The following PLA2G4D variants were observed in gnomAD, a reference collection of about 807,000 sequenced individuals.
PLA2G4D encodes cytosolic phospholipase A2 delta.
In PLA2G4D, 80 loss-of-function variants were observed where a neutral mutation model predicts 94.4. The ratio of observed to expected loss-of-function variants is 0.85; its 90% CI spans 0.71 to 1.02. The LOEUF is 1.02. PLA2G4D is among the 50% of genes least tolerant of loss of function. The probability of loss-of-function intolerance (pLI) is 0.00; values close to 1 mark genes in which losing one functional copy is unlikely to be tolerated. For missense variants in PLA2G4D, 1,050 were observed against 1,034.7 expected, an observed-to-expected ratio of 1.01 and a Z score of -0.20; for synonymous variants, 438 against 440.9, an observed-to-expected ratio of 0.99 and a Z score of 0.08.
intron 6 of PLA2G4D, 103 bp from the exon 7 acceptor site, chr15:42,083,882 A>C: frequency 1.5e-5 from 17 of 1,127,150 alleles, no homozygotes; most frequent in Non-Finnish European, 2.0e-5. Flanking sequence ...CCACACACAC[A>C]AGGAGTTGTG....
At position 42,071,154 on chromosome 15, in the gene PLA2G4D, GTA is replaced by G. The variant is rs1311493806; in HGVS notation, c.1843_1844del (p.Tyr615LeufsTer2). 1 of 1,612,810 alleles carries G rather than the reference GTA, an allele frequency of 6.2e-7. No individual in the cohort carries two copies. The highest frequency in any genetic ancestry group is 1.7e-5 in the Admixed American group (1 of 59,646). ...AGGTGGAGAAGTCTTTGTGGCTACA[GTA>G]GTCCTGGTGCAGCTGGAGGCCCTGG... Reference protein sequence around the residue: ...FLQGLQLHQDYCSHKDFSTWA... With the variant: ...FLQGLQLHQDXCSHKDFSTWA... On this transcript the variant is annotated frameshift_variant, in exon 17 of 20. Transcript: ENST00000290472. LOFTEE classifies it high-confidence loss of function.
At chr15:42,085,636 G>A (rs1890127564) in intron 4 of PLA2G4D, 105 bp from the exon 5 acceptor site, 6 of 1,143,268 alleles carry the variant, frequency 5.2e-6, no homozygotes, top group Admixed American at 3.5e-5. Flanking sequence ...GGTCTCCAAG[G>A]GAGGCACGTT....
chr15:42,070,517 T>C, intron 18 of PLA2G4D, 200 bp downstream of exon 18: 1 of 631,930 alleles, frequency 1.6e-6, no homozygotes, highest in Non-Finnish European at 2.7e-6. Context: ...CCTGTTCACC[T>C]GTCCTGGGAG....
intron 11 of PLA2G4D, 91 bp from the exon 12 acceptor site, chr15:42,081,224 G>T: frequency 1.3e-6 from 2 of 1,540,958 alleles, no homozygotes; most frequent in Non-Finnish European, 1.7e-6. Flanking sequence ...CTTGTCTCCA[G>T]GGAAGGGACC....
rs757282981 is a variant in PLA2G4D, at chr15:42,071,853, A to T, written c.1494T>A (p.Pro498=). 1.9e-6 allele frequency: 3 copies of T among 1,614,190 alleles called. No homozygotes were observed. The highest frequency in any genetic ancestry group is 2.5e-6 in the Non-Finnish European group (3 of 1,180,008). Residue 498 remains proline (P), a synonymous_variant, in exon 15 of 20, where the codon CCT becomes CCA. Coordinates refer to ENST00000290472, the MANE Select transcript of PLA2G4D (RefSeq NM_178034.4). Reference sequence around the variant, plus strand: ...AGAACTCGGAGCCGAAGAGCTCAGGAGGGACGAAGGCCCCGTACTTCAGGA... The same window carrying T: ...AGAACTCGGAGCCGAAGAGCTCAGGTGGGACGAAGGCCCCGTACTTCAGGA... The part of the protein sequence containing the change: ...VGFLKYGAFV[P]PELFGSEFFM...
At chr15:42,089,974 A>G (rs531301654) in intron 1 of PLA2G4D, among the ~76,000 whole-genome samples, 5 of 152,198 alleles carry the variant, frequency 3.3e-5, no homozygotes, top group African/African-American at 1.2e-4. Context: ...CTAGAGAAAA[A>G]TCCCGATTCT....
chr15:42,074,987 G>C (rs1889889952), intron 13 of PLA2G4D, among the ~76,000 whole-genome samples: 1 of 152,300 alleles, frequency 6.6e-6, no homozygotes, highest in Middle Eastern at 3.4e-3. Flanking sequence ...GCAGTGGGGT[G>C]ATTACAACTC....
chr15:42,075,908 AGAGGG>A (rs531590243), intron 13 of PLA2G4D, among the ~76,000 whole-genome samples: 204 of 59,380 alleles, frequency 3.4e-3, no homozygotes, highest in Middle Eastern at 9.3e-3. Flanking sequence ...GGAGGGAGGG[AGAGGG>A]GAGGGGAGGG....
At position 42,086,194 on chromosome 15, in the gene PLA2G4D, T is replaced by TCCG; in HGVS notation, c.387+18_387+19insCGG. 2.2e-6 allele frequency: 3 copies of TCCG among 1,370,444 alleles called. No individual in the cohort carries two copies. Among genetic ancestry groups the TCCG allele is most frequent in the Non-Finnish European group, 1.9e-6 (2 of 1,043,084 alleles). 84.9% of individuals were successfully genotyped at this position (1,370,444 alleles called of 1,614,324 possible). A position where few individuals can be genotyped will look rare whatever the true frequency, so the allele number is the denominator to read the frequency against. ...GGAAGAAGTGGGGCCCACGGGGACT[T>TCCG]CCCCACCCACCCACCCACCTGGGGA... is the stretch of plus-strand genomic sequence containing the variant. On this transcript the variant is annotated intron_variant, in intron 4 of 19. Coordinates refer to ENST00000290472, the MANE Select transcript of PLA2G4D (RefSeq NM_178034.4).
intron 12 of PLA2G4D, 118 bp downstream of exon 12, chr15:42,080,879 A>AC (rs1890022006): frequency 4.1e-5 from 54 of 1,330,734 alleles, no homozygotes; most frequent in Non-Finnish European, 5.3e-5. Flanking sequence ...CTTGGCGCCC[A>AC]TCAGATCACA....
chr15:42,085,632 C>A, intron 4 of PLA2G4D, 101 bp from the exon 5 acceptor site: 1 of 1,183,952 alleles, frequency 8.4e-7, no homozygotes, highest in Non-Finnish European at 1.3e-6. Context: ...AAGCGGTCTC[C>A]AAGGGAGGCA....
In PLA2G4D at chr15:42,085,097, A is replaced by G; in HGVS notation, c.470T>C (p.Val157Ala). 1 of 1,614,138 alleles carries G rather than the reference A, an allele frequency of 6.2e-7. No individual in the cohort carries two copies. Among genetic ancestry groups the G allele is most frequent in the Non-Finnish European group, 8.5e-7 (1 of 1,180,000 alleles). The change falls in exon 6 of 20, where the codon GTG becomes GCG. Residue 157 changes from valine (V) to alanine (A), a missense_variant and splice_region_variant. Physicochemically the swap from Val to Ala is moderately conservative, Grantham distance 64 (BLOSUM62 0). Coordinates refer to ENST00000290472, the MANE Select transcript of PLA2G4D (RefSeq NM_178034.4). ...PENLITNKVI[V>A]ARELSCLDVH... ...CCTAAGCCTGGGGAAGGTGCTTACC[A>G]CAATGACTTTGTTGGTGATGAGGTT...
chr15:42,093,776 C>A (rs1004094574), intron 1 of PLA2G4D, among the ~76,000 whole-genome samples: 3 of 152,212 alleles, frequency 2.0e-5, no homozygotes, highest in African/African-American at 7.2e-5. Flanking sequence ...GACCTCAGGA[C>A]AGTGACCTTG....
intron 2 of PLA2G4D, 34 bp from the exon 3 acceptor site, chr15:42,087,470 A>G: frequency 6.2e-7 from 1 of 1,612,462 alleles, no homozygotes; most frequent in South Asian, 1.1e-5. Flanking sequence ...GTGAGGGAGT[A>G]CTCCCCACAC....
intron 13 of PLA2G4D, among the ~76,000 whole-genome samples, chr15:42,077,367 C>T (rs1249002628): frequency 1.3e-5 from 2 of 152,292 alleles, no homozygotes; most frequent in South Asian, 4.1e-4. Context: ...AGCAACACAT[C>T]AAAAAGATTA....
intron 13 of PLA2G4D, among the ~76,000 whole-genome samples, chr15:42,077,960 C>T (rs556832512): frequency 6.6e-6 from 1 of 152,392 alleles, no homozygotes; most frequent in African/African-American, 2.4e-5. Flanking sequence ...AAGGCATGCT[C>T]ACCAGTATCA....
intron 4 of PLA2G4D, among the ~76,000 whole-genome samples, 199 bp from the exon 5 acceptor site, chr15:42,085,730 A>AT (rs1890130229): frequency 6.6e-6 from 1 of 152,266 alleles, no homozygotes; most frequent in Non-Finnish European, 1.5e-5. Flanking sequence ...CACAGCTAGT[A>AT]AGTCTGCAGA....
At chr15:42,078,549 T>TGTTG (rs1428036360) in intron 13 of PLA2G4D, among the ~76,000 whole-genome samples, 1 of 152,236 alleles carries the variant, frequency 6.6e-6, no homozygotes, top group East Asian at 1.9e-4. Context: ...TTCTAAGCAG[T>TGTTG]GTTGTACTTA....
At chr15:42,093,915 T>TG (rs909963758) in intron 1 of PLA2G4D, among the ~76,000 whole-genome samples, 5 of 150,538 alleles carry the variant, frequency 3.3e-5, no homozygotes, top group East Asian at 2.0e-4. Flanking sequence ...TGACAGAGGG[T>TG]GGGGGGGTGG....
Sources: allele counts gnomAD v4.1 joint callset (sites outside exome capture counted in the v4.1 genomes callset), GRCh38; gene constraint gnomAD v4.1.1; transcripts MANE v1.5; gene names NCBI Gene and HGNC (gene_info 2026-07-23, HGNC 2026-07-21).